Variants in ADAMTSL1 observed in about 807,000 individuals in gnomAD.
ADAMTSL1 encodes the protein ADAMTS like 1.
A neutral mutation model predicts 201.8 loss-of-function variants in ADAMTSL1; 126 were observed. That is an observed-to-expected ratio of 0.62 (90% CI 0.54 to 0.72). The LOEUF (loss-of-function observed/expected upper bound fraction) is 0.72. ADAMTSL1 is among the 30% of genes least tolerant of loss of function. The pLI is 0.00. For synonymous variants in ADAMTSL1, 1,121 were observed against 903.4 expected, an observed-to-expected ratio of 1.24 and a Z score of -4.32; for missense variants, 2,679 against 2,277.8, an observed-to-expected ratio of 1.18 and a Z score of -3.59.
intron 7 of ADAMTSL1, among the ~76,000 whole-genome samples, chr9:18,656,105 C>A (rs936625690): frequency 6.6e-6 from 1 of 152,090 alleles, no homozygotes; most frequent in African/African-American, 2.4e-5. Flanking sequence ...TTCCACCCCT[C>A]TCAGACTTTC....
chr9:18,539,784 C>A (rs1377166124), intron 3 of ADAMTSL1, among the ~76,000 whole-genome samples: 1 of 151,992 alleles, frequency 6.6e-6, no homozygotes, highest in Non-Finnish European at 1.5e-5. Flanking sequence ...TAAAATAGTA[C>A]TTTTCTCTCA....
chr9:18,514,669 C>T (rs1818258834), intron 2 of ADAMTSL1, among the ~76,000 whole-genome samples: 1 of 152,130 alleles, frequency 6.6e-6, no homozygotes, highest in South Asian at 2.1e-4. Context: ...CAGTTTTACT[C>T]AATTTGTTTA....
At chr9:18,845,832 T>G (rs1489560024) in intron 23 of ADAMTSL1, among the ~76,000 whole-genome samples, 1 of 152,186 alleles carries the variant, frequency 6.6e-6, no homozygotes, top group East Asian at 1.9e-4. Flanking sequence ...AAAACTGTGT[T>G]TGGAATACAG....
intron 2 of ADAMTSL1, among the ~76,000 whole-genome samples, chr9:18,164,472 G>GA (rs1015554022): frequency 6.6e-6 from 1 of 151,766 alleles, no homozygotes; most frequent in Non-Finnish European, 1.5e-5. Context: ...AAACACTCTA[G>GA]AAAATGAGCT....
intron 2 of ADAMTSL1, among the ~76,000 whole-genome samples, chr9:18,180,210 G>T (rs1014319443): frequency 6.6e-6 from 1 of 152,080 alleles, no homozygotes; most frequent in Non-Finnish European, 1.5e-5. Context: ...AACAAAAAAA[G>T]GCAGGGGTTG....
intron 4 of ADAMTSL1, among the ~76,000 whole-genome samples, chr9:18,605,726 G>A (rs1414756133): frequency 6.6e-6 from 1 of 152,170 alleles, no homozygotes; most frequent in African/African-American, 2.4e-5. Flanking sequence ...CTGATTTTGT[G>A]TAATTTTTTG....
chr9:18,828,735 A>G (rs1824784573), intron 22 of ADAMTSL1, among the ~76,000 whole-genome samples: 1 of 142,342 alleles, frequency 7.0e-6, no homozygotes, highest in South Asian at 2.3e-4. Flanking sequence ...ACACACACAC[A>G]CATATGTAAT....
intron 1 of ADAMTSL1, among the ~76,000 whole-genome samples, chr9:18,482,623 T>C (rs1821784983): frequency 6.6e-6 from 1 of 152,204 alleles, no homozygotes; most frequent in African/African-American, 2.4e-5. Context: ...ATTCAAACTG[T>C]CCAATAAAAT....
chr9:18,516,868 C>T (rs1818392269), intron 2 of ADAMTSL1, among the ~76,000 whole-genome samples: 1 of 152,186 alleles, frequency 6.6e-6, no homozygotes, highest in African/African-American at 2.4e-5. Context: ...GGAGCAAAAA[C>T]TGCTCTTCAT....
chr9:18,475,123 A>G (rs1336392417), intron 1 of ADAMTSL1, among the ~76,000 whole-genome samples: 3 of 152,220 alleles, frequency 2.0e-5, no homozygotes, highest in African/African-American at 4.8e-5. Context: ...TGTTCTGGGC[A>G]GGCAGCTTAG....
intron 1 of ADAMTSL1, among the ~76,000 whole-genome samples, chr9:17,944,378 G>A (rs1827367226): frequency 2.0e-5 from 3 of 152,086 alleles, no homozygotes. Context: ...TCATGAAAAT[G>A]GCCATACTGC....
intron 2 of ADAMTSL1, among the ~76,000 whole-genome samples, chr9:18,254,489 C>G (rs2493743): frequency 6.7e-6 from 1 of 150,228 alleles, no homozygotes; most frequent in Non-Finnish European, 1.5e-5. Context: ...CAGCCTCCCA[C>G]GTAGCTGGGA....
At chr9:18,071,164 G>A (rs1822945939) in intron 1 of ADAMTSL1, among the ~76,000 whole-genome samples, 1 of 152,230 alleles carries the variant, frequency 6.6e-6, no homozygotes, top group Non-Finnish European at 1.5e-5. Flanking sequence ...GAGCCACTGT[G>A]GGGGACGGCA....
intron 23 of ADAMTSL1, among the ~76,000 whole-genome samples, chr9:18,851,567 G>A (rs1826493906): frequency 6.6e-6 from 1 of 152,194 alleles, no homozygotes; most frequent in African/African-American, 2.4e-5. Context: ...TAAAGTACAT[G>A]TGGAAGAGGG....
intron 4 of ADAMTSL1, among the ~76,000 whole-genome samples, chr9:18,602,612 C>G (rs562184454): frequency 6.6e-6 from 1 of 152,308 alleles, no homozygotes; most frequent in South Asian, 2.1e-4. Flanking sequence ...CTCACCTCCT[C>G]CATCAACCCT....
intron 16 of ADAMTSL1, among the ~76,000 whole-genome samples, chr9:18,753,836 G>A (rs575489444): frequency 4.6e-5 from 7 of 152,256 alleles, no homozygotes; most frequent in African/African-American, 1.7e-4. Flanking sequence ...TTGCCATAAA[G>A]CTAAATTTGT....
At chr9:18,668,864 G>T (rs1278717023) in intron 9 of ADAMTSL1, among the ~76,000 whole-genome samples, 1 of 152,188 alleles carries the variant, frequency 6.6e-6, no homozygotes, top group Non-Finnish European at 1.5e-5. Flanking sequence ...CGGGCTGGGG[G>T]TTGTCACCTT....
At chr9:17,907,278 C>T (rs958347674) in intron 1 of ADAMTSL1, among the ~76,000 whole-genome samples, 1 of 152,204 alleles carries the variant, frequency 6.6e-6, no homozygotes, top group Non-Finnish European at 1.5e-5. Context: ...TTCCGACAGT[C>T]CTTCGCGGAG....
chr9:18,686,218 G>C (rs1307325061), intron 13 of ADAMTSL1, among the ~76,000 whole-genome samples: 1 of 152,138 alleles, frequency 6.6e-6, no homozygotes. Flanking sequence ...ACAGCGCCTG[G>C]CCCGGGAAAA....
Sources: allele counts gnomAD v4.1 joint callset (sites outside exome capture counted in the v4.1 genomes callset), GRCh38; gene constraint gnomAD v4.1.1; transcripts MANE v1.5; gene names NCBI Gene and HGNC (gene_info 2026-07-23, HGNC 2026-07-21).